Variants in NRF1 observed in about 807,000 individuals in gnomAD.
NRF1 encodes nuclear respiratory factor 1, also known as alpha palindromic-binding protein.
A neutral mutation model predicts 58.5 loss-of-function variants in NRF1; 5 were observed. The observed-to-expected ratio is 0.09, with a 90% CI of 0.04 to 0.18. The LOEUF (loss-of-function observed/expected upper bound fraction) is 0.18, where lower values mean the gene tolerates loss of function less well. NRF1 is among the 10% of genes least tolerant of loss of function. NRF1 has a pLI of 1.00. For missense variants in NRF1, 288 were observed against 657.7 expected, an observed-to-expected ratio of 0.44 and a Z score of 6.15; for synonymous variants, 224 against 246.7, an observed-to-expected ratio of 0.91 and a Z score of 0.86.
chr7:129,638,663 G>A (rs1475751320), intron 1 of NRF1, among the ~76,000 whole-genome samples: 1 of 152,046 alleles, frequency 6.6e-6, no homozygotes, highest in Non-Finnish European at 1.5e-5. Flanking sequence ...TGGCAACATT[G>A]GTAGTAGTCA....
Position 129,749,739 on chromosome 7 carries a change from C to T in NRF1, c.1349-5279C>T, listed in dbSNP as rs757677400. ...CATTCTAATATATGGAAAAAGACTC[C>T]CAAATCAAAGGCCTGGGTCCCTGAC... On this transcript the variant is annotated intron_variant, in intron 10 of 10. Coordinates refer to ENST00000393232, the MANE Select transcript of NRF1 (RefSeq NM_005011.5). 3.2e-4 allele frequency among the ~76,000 whole-genome samples: 49 copies of T among 152,056 alleles called. 1 individual carries two copies. Among genetic ancestry groups the T allele is most frequent in the Non-Finnish European group, 5.3e-4 (36 of 68,026 alleles).
At chr7:129,619,408 A>AT (rs1800725714) in intron 1 of NRF1, among the ~76,000 whole-genome samples, 1 of 92,344 alleles carries the variant, frequency 1.1e-5, no homozygotes, top group African/African-American at 6.0e-5. Context: ...ATATATATAT[A>AT]TATATATATA....
intron 3 of NRF1, among the ~76,000 whole-genome samples, chr7:129,673,622 C>T (rs1802102440): frequency 6.9e-6 from 1 of 145,504 alleles, no homozygotes. Context: ...GAGGCTGAGG[C>T]AGGAGAATGG....
At chr7:129,718,343 C>T (rs978631450) in intron 9 of NRF1, among the ~76,000 whole-genome samples, 1 of 152,202 alleles carries the variant, frequency 6.6e-6, no homozygotes, top group African/African-American at 2.4e-5. Flanking sequence ...AGTAGCCAGG[C>T]TCTCCTATTC....
At chr7:129,671,089 A>C (rs546556239) in intron 2 of NRF1, among the ~76,000 whole-genome samples, 199 of 152,294 alleles carry the variant, frequency 1.3e-3, no homozygotes, top group African/African-American at 4.5e-3. Flanking sequence ...TCAGTGCTAC[A>C]ATTTTTCCTA....
At position 129,619,739 on chromosome 7, in the gene NRF1, T is replaced by G. The variant is rs1198679625; in HGVS notation, c.-7+7915T>G. On this transcript the variant is annotated intron_variant, in intron 1 of 10. Transcript: ENST00000393232. Reference sequence around the variant, plus strand: ...AAATCTCCATATTGTTTGGGTTGTTTTTTTTTTTTTTTGCCTCTTTTACAT... The same window carrying G: ...AAATCTCCATATTGTTTGGGTTGTTGTTTTTTTTTTTTGCCTCTTTTACAT... Among the ~76,000 whole-genome samples the G allele has an allele frequency of 1.8e-4, 27 of 148,372 alleles. 1 individual carries two copies. The highest frequency in any genetic ancestry group is 8.7e-4 in the Admixed American group (13 of 14,938).
At chr7:129,624,762 G>T (rs1429923254) in intron 1 of NRF1, among the ~76,000 whole-genome samples, 1 of 152,026 alleles carries the variant, frequency 6.6e-6, no homozygotes, top group Non-Finnish European at 1.5e-5. Flanking sequence ...GGATCCTCCT[G>T]CCTCAGTCTC....
Position 129,611,789 on chromosome 7 carries a change from C to T in NRF1, c.-42C>T, listed in dbSNP as rs1800533023. ...GAGGAGCCGGCGCGGTCGCAGTCTCCACGGCGCAGGCCCACGGTAGCGCAG... is the reference window on the plus strand; with the variant it reads ...GAGGAGCCGGCGCGGTCGCAGTCTCTACGGCGCAGGCCCACGGTAGCGCAG... On this transcript the variant is annotated 5_prime_UTR_variant, in exon 1 of 11. Transcript: ENST00000393232. 3.9e-6 allele frequency: 1 copy of T among 256,566 alleles called. No individual in the cohort carries two copies. Among genetic ancestry groups the T allele is most frequent in the African/African-American group, 2.2e-5 (1 of 44,918 alleles). 15.9% of individuals were successfully genotyped at this position (256,566 alleles called of 1,614,324 possible).
intron 2 of NRF1, 33 bp downstream of exon 2, chr7:129,657,607 A>ATT (rs11446444): frequency 0.16 from 154,649 of 970,590 alleles, 1,576 homozygotes; most frequent in Admixed American, 0.18. Context: ...CTCTTCTTTA[A>ATT]TTTTTTTTTT....
intron 5 of NRF1, among the ~76,000 whole-genome samples, chr7:129,700,643 TGTG>T (rs1224890875): frequency 6.6e-6 from 1 of 152,146 alleles, no homozygotes; most frequent in Non-Finnish European, 1.5e-5. Context: ...ATGGGCCAGA[TGTG>T]GTGGCCCATG....
chr7:129,701,028 A>T (rs1028616941), intron 5 of NRF1, among the ~76,000 whole-genome samples: 1 of 152,258 alleles, frequency 6.6e-6, no homozygotes, highest in African/African-American at 2.4e-5. Context: ...ATATTCAGAA[A>T]TACTAAAGAG....
chr7:129,614,147 A>G (rs1183188548), intron 1 of NRF1, among the ~76,000 whole-genome samples: 1 of 151,850 alleles, frequency 6.6e-6, no homozygotes, highest in Non-Finnish European at 1.5e-5. Flanking sequence ...ACGGAGTCTC[A>G]CTCTGTCACC....
intron 2 of NRF1, among the ~76,000 whole-genome samples, chr7:129,666,367 G>C (rs1801921334): frequency 6.6e-6 from 1 of 152,100 alleles, no homozygotes; most frequent in Non-Finnish European, 1.5e-5. Flanking sequence ...ACAATATTTA[G>C]CATTGTTTTG....
chr7:129,669,298 C>T (rs1029915235), intron 2 of NRF1, among the ~76,000 whole-genome samples: 5 of 152,032 alleles, frequency 3.3e-5, no homozygotes, highest in Non-Finnish European at 7.4e-5. Context: ...TGAATGTATA[C>T]TTGGATTTGT....
At position 129,724,762 on chromosome 7, in the gene NRF1, A is replaced by G. The variant is rs139745085; in HGVS notation, c.1224-2479A>G. 3.2e-3 allele frequency among the ~76,000 whole-genome samples: 483 copies of G among 152,358 alleles called. 1 individual carries two copies. Among genetic ancestry groups the G allele is most frequent in the Non-Finnish European group, 5.4e-3 (366 of 68,030 alleles). On this transcript the variant is annotated intron_variant, in intron 9 of 10. Transcript: ENST00000393232. ...TGCCAAGTGAAATAAGCCAGACACA[A>G]AAGGACAAATACTGTGTGGTTGTAT...
intron 1 of NRF1, among the ~76,000 whole-genome samples, chr7:129,620,482 G>A (rs1186946609): frequency 1.3e-5 from 2 of 150,994 alleles, no homozygotes; most frequent in African/African-American, 2.4e-5. Context: ...TCCGCCTCCC[G>A]GGTTCAAGCG....
At chr7:129,721,363 A>G (rs1014177802) in intron 9 of NRF1, among the ~76,000 whole-genome samples, 1 of 151,934 alleles carries the variant, frequency 6.6e-6, no homozygotes, top group Non-Finnish European at 1.5e-5. Context: ...ACTCAGTGCT[A>G]TGGGGAAATA....
chr7:129,700,784 G>A (rs1397815816), intron 5 of NRF1, among the ~76,000 whole-genome samples: 1 of 152,076 alleles, frequency 6.6e-6, no homozygotes, highest in African/African-American at 2.4e-5. Flanking sequence ...CAGGCATGGT[G>A]GTGCATCCAT....
At chr7:129,747,981 A>AAAGAC (rs1312388015) in intron 10 of NRF1, among the ~76,000 whole-genome samples, 2 of 152,176 alleles carry the variant, frequency 1.3e-5, no homozygotes, top group African/African-American at 2.4e-5. Flanking sequence ...CTCAACATTA[A>AAAGAC]AAGACAGTCC....
Sources: gnomAD v4.1 joint callset for allele counts (sites outside exome capture counted in the v4.1 genomes callset) on GRCh38, gnomAD v4.1.1 for gene constraint, MANE v1.5 for transcripts, NCBI Gene and HGNC (gene_info 2026-07-23, HGNC 2026-07-21) for gene names.